Variants in TNFRSF8 observed in about 807,000 individuals in gnomAD.
TNFRSF8 encodes the protein TNF receptor superfamily member 8.
In TNFRSF8, 26 loss-of-function variants were observed where a neutral mutation model predicts 70.8. The ratio of observed to expected loss-of-function variants is 0.37; its 90% confidence interval spans 0.27 to 0.51. The LOEUF (loss-of-function observed/expected upper bound fraction) is 0.51, where lower values mean the gene tolerates loss of function less well. Ranked by LOEUF, TNFRSF8 falls within the 20% of genes least tolerant of loss-of-function variation. The pLI, the probability that TNFRSF8 is intolerant of heterozygous loss-of-function variation, is 0.94. For missense variants in TNFRSF8, 720 were observed against 807.9 expected (o/e 0.89, Z 1.32); for synonymous variants, 356 against 339.2 (o/e 1.05, Z -0.54).
chr1:12,071,446 GAA>G (rs1330392423), intron 1 of TNFRSF8, among the ~76,000 whole-genome samples: 6 of 152,024 alleles, frequency 3.9e-5, no homozygotes, highest in Non-Finnish European at 7.4e-5. Flanking sequence ...CTCAAAAAAA[GAA>G]AAAAGTCTAT....
intron 12 of TNFRSF8, among the ~76,000 whole-genome samples, chr1:12,128,688 C>T (rs1420940922): frequency 6.6e-6 from 1 of 152,158 alleles, no homozygotes; most frequent in Non-Finnish European, 1.5e-5. Context: ...TGGTTCTTTG[C>T]TGTGGAGCGC....
At chr1:12,104,242 G>T in intron 3 of TNFRSF8, 137 bp from the exon 4 acceptor site, 18 of 793,076 alleles carry the variant, frequency 2.3e-5, no homozygotes, top group South Asian at 5.6e-5. Context: ...TCCAATTTTA[G>T]TGGTCACCAG....
chr1:12,104,258 T>G (rs778617864), intron 3 of TNFRSF8, 121 bp from the exon 4 acceptor site: 37 of 1,040,826 alleles, frequency 3.6e-5, no homozygotes, highest in Non-Finnish European at 3.7e-5. Flanking sequence ...ACCAGGGGGT[T>G]GAGCTGGGAG....
intron 2 of TNFRSF8, among the ~76,000 whole-genome samples, chr1:12,092,310 G>T (rs115327714): frequency 2.6e-5 from 4 of 151,856 alleles, no homozygotes; most frequent in African/African-American, 9.7e-5. Context: ...TTTCTGAGTA[G>T]CTAGGAGTAC....
rs1353877979 is a variant in TNFRSF8, at chr1:12,108,966, GC to G, written c.422-599del. 6.6e-6 allele frequency among the ~76,000 whole-genome samples: 1 copy of G among 152,148 alleles called. No homozygotes were observed. Among genetic ancestry groups the G allele is most frequent in the African/African-American group, 2.4e-5 (1 of 41,420 alleles). On this transcript the variant is annotated intron_variant, in intron 4 of 14. Transcript: ENST00000263932. This position sits in a 1 kb window ranked among gnomAD's most constrained non-coding sequence, Gnocchi z 4.0. ...TTCAGGACTCCTTGGATTGCATGTA[GC>G]AAAATCCCCAATTTTTTAGCACATG... is the stretch of plus-strand genomic sequence containing the variant.
At chr1:12,130,040 G>A (rs1487881729) in intron 12 of TNFRSF8, among the ~76,000 whole-genome samples, 1 of 152,120 alleles carries the variant, frequency 6.6e-6, no homozygotes, top group African/African-American at 2.4e-5. Context: ...AAGTGGCTGG[G>A]ATTACAGGCG....
chr1:12,087,949 C>G (rs570934471), intron 2 of TNFRSF8, among the ~76,000 whole-genome samples: 1 of 152,058 alleles, frequency 6.6e-6, no homozygotes, highest in South Asian at 2.1e-4. Flanking sequence ...TTTTATTGAC[C>G]TTGTGCTTCC....
At position 12,119,763 on chromosome 1, in the gene TNFRSF8, G is replaced by A. The variant is rs1641796060; in HGVS notation, c.947-3521G>A. On this transcript the variant is annotated intron_variant, in intron 8 of 14. Coordinates refer to ENST00000263932, the MANE Select transcript of TNFRSF8 (RefSeq NM_001243.5). This position sits in a 1 kb window ranked among gnomAD's most constrained non-coding sequence, Gnocchi z 4.4. ...ATTACTGGCATGAGCCACCATGACT[G>A]GCCGATTCTTGTACAAGTCTTTGGG... 6.6e-6 allele frequency among the ~76,000 whole-genome samples: 1 copy of A among 151,946 alleles called. No homozygotes were observed. The highest frequency in any genetic ancestry group is 1.5e-5 in the Non-Finnish European group (1 of 67,996).
chr1:12,125,186 C>G (rs1052699083), intron 10 of TNFRSF8, among the ~76,000 whole-genome samples: 13 of 152,202 alleles, frequency 8.5e-5, no homozygotes, highest in Non-Finnish European at 1.8e-4. Flanking sequence ...ACATGGACTT[C>G]AATAAAGTGC....
At position 12,109,522 on chromosome 1, in the gene TNFRSF8, G is replaced by A. The variant is rs761926435; in HGVS notation, c.422-44G>A. On this transcript the variant is annotated intron_variant, in intron 4 of 14. Coordinates refer to ENST00000263932, the MANE Select transcript of TNFRSF8 (RefSeq NM_001243.5). This position sits in a 1 kb window ranked among gnomAD's most constrained non-coding sequence, Gnocchi z 4.4. ...GAAGGGTGTATTCCGGGAGACTTTG[G>A]GTCCCCAACACTGATTCTGAAGGCA... 1.0e-5 allele frequency: 16 copies of A among 1,536,596 alleles called. No individual in the cohort carries two copies. Among genetic ancestry groups the A allele is most frequent in the Non-Finnish European group, 1.4e-5 (16 of 1,113,534 alleles).
chr1:12,104,334 G>C (rs11569850), intron 3 of TNFRSF8, 45 bp from the exon 4 acceptor site: 125,147 of 1,610,680 alleles, frequency 0.078, 5,224 homozygotes, highest in East Asian at 0.085. Context: ...CTGGAGAGAC[G>C]CCTTCCTTCT....
chr1:12,063,534 C>T lies in TNFRSF8; in HGVS notation c.-65C>T. 7.8e-7 allele frequency: 1 copy of T among 1,280,476 alleles called. No individual in the cohort carries two copies. The highest frequency in any genetic ancestry group is 9.9e-7 in the Non-Finnish European group (1 of 1,006,802). 79.3% of individuals were successfully genotyped at this position (1,280,476 alleles called of 1,614,324 possible). On this transcript the variant is annotated 5_prime_UTR_variant, in exon 1 of 15. Coordinates refer to ENST00000263932, the MANE Select transcript of TNFRSF8 (RefSeq NM_001243.5). This position sits in a 1 kb window ranked among gnomAD's most constrained non-coding sequence, Gnocchi z 7.2. ...AACCGCCGGGACCGCACGTGGGCGC[C>T]GCGCGCTTCCCCCGCTTCCCAGGTG...
chr1:12,126,118 C>A (rs2101030139), intron 11 of TNFRSF8, 65 bp from the exon 12 acceptor site: 2 of 1,613,114 alleles, frequency 1.2e-6, no homozygotes, highest in East Asian at 4.5e-5. Context: ...GGCCTGGGTT[C>A]TTTCCCTGCC....
chr1:12,098,154 C>G (rs915525549), intron 3 of TNFRSF8, among the ~76,000 whole-genome samples: 2 of 152,072 alleles, frequency 1.3e-5, no homozygotes, highest in African/African-American at 4.8e-5. Flanking sequence ...CTTGTAATGC[C>G]TTTTCCCTTA....
intron 12 of TNFRSF8, among the ~76,000 whole-genome samples, chr1:12,135,107 A>T (rs1642120257): frequency 6.6e-6 from 1 of 151,968 alleles, no homozygotes; most frequent in South Asian, 2.1e-4. Flanking sequence ...GGAGGTCAGG[A>T]GTTTGAGACC....
chr1:12,068,939 T>C (rs181628508), intron 1 of TNFRSF8, among the ~76,000 whole-genome samples: 18 of 151,892 alleles, frequency 1.2e-4, no homozygotes, highest in African/African-American at 4.3e-4. Context: ...TGGTGCGATC[T>C]CGGCTCACTG....
At chr1:12,122,634 AAG>A (rs1641850142) in intron 8 of TNFRSF8, among the ~76,000 whole-genome samples, 1 of 151,962 alleles carries the variant, frequency 6.6e-6, no homozygotes, top group Admixed American at 6.5e-5. Flanking sequence ...GCAGCAGAGG[AAG>A]ACTCAATCTC....
At chr1:12,115,754 C>T (rs928813047) in intron 8 of TNFRSF8, 25 bp downstream of exon 8, 12 of 1,610,564 alleles carry the variant, frequency 7.5e-6, no homozygotes, top group East Asian at 6.7e-5. Flanking sequence ...CCCCAGGCCT[C>T]GACCACAGGG....
At chr1:12,116,746 G>A (rs1641738378) in intron 8 of TNFRSF8, among the ~76,000 whole-genome samples, 2 of 152,146 alleles carry the variant, frequency 1.3e-5, no homozygotes. Flanking sequence ...GTTGCAGTGA[G>A]CCGAGATTGC....
Sources: gnomAD v4.1 joint callset for allele counts (sites outside exome capture counted in the v4.1 genomes callset) on GRCh38, gnomAD v4.1.1 for gene constraint, Gnocchi (gnomAD v3.1) non-coding constraint, MANE v1.5 for transcripts, NCBI Gene and HGNC (gene_info 2026-07-23, HGNC 2026-07-21) for gene names.